SYTL4: variants seen among roughly 807,000 people sequenced by gnomAD.
SYTL4 encodes synaptotagmin like 4.
A neutral mutation model predicts 52.7 loss-of-function variants in SYTL4; 16 were observed. The ratio of observed to expected loss-of-function variants is 0.30; its 90% confidence interval spans 0.21 to 0.46. The LOEUF (loss-of-function observed/expected upper bound fraction) is 0.46, where lower values mean the gene tolerates loss of function less well. Among genes scored for constraint, SYTL4 ranks in the 20% least tolerant of loss-of-function variants. SYTL4 has a pLI of 1.00. For missense variants in SYTL4, 423 were observed against 519.9 expected (o/e 0.81, Z 1.81); for synonymous variants, 160 against 186.6 (o/e 0.86, Z 1.16).
chrX:100,723,068 T>C (rs758261889), intron 2 of SYTL4, among the ~76,000 whole-genome samples: 1 of 110,903 alleles, frequency 9.0e-6, no homozygotes, highest in South Asian at 3.8e-4. Context: ...TTAAAGAACA[T>C]AAACATCCAT....
chrX:100,701,130 C>A, intron 7 of SYTL4, 90 bp downstream of exon 7: 3 of 883,281 alleles, frequency 3.4e-6, no homozygotes, highest in Non-Finnish European at 3.3e-6. Context: ...CTATTCTCCA[C>A]TAACTGGCTG....
intron 16 of SYTL4, among the ~76,000 whole-genome samples, chrX:100,682,685 C>T (rs1362388245): frequency 9.0e-6 from 1 of 110,778 alleles, no homozygotes; most frequent in Admixed American, 9.6e-5. Flanking sequence ...CCAGCCTGGG[C>T]GACAGAGCCA....
chrX:100,714,420 C>T (rs984636194), intron 2 of SYTL4, among the ~76,000 whole-genome samples: 2 of 110,134 alleles, frequency 1.8e-5, no homozygotes, highest in Non-Finnish European at 1.9e-5. Flanking sequence ...CCACCACACC[C>T]GGCTAATTTT....
At chrX:100,723,199 C>G (rs1176143104) in intron 2 of SYTL4, among the ~76,000 whole-genome samples, 1 of 112,357 alleles carries the variant, frequency 8.9e-6, no homozygotes, top group Non-Finnish European at 1.9e-5. Flanking sequence ...GCTGCCATCT[C>G]GGCTCACTGC....
At position 100,676,171 on chromosome X, in the gene SYTL4, T is replaced by C. The variant is rs760160020; in HGVS notation, c.1873A>G (p.Ser625Gly). Residue 625 changes from serine (S) to glycine (G), a missense_variant, in exon 20 of 20, where the codon AGT (serine) becomes GGT (glycine). Physicochemically the swap from Ser to Gly is moderately conservative, Grantham distance 56. Transcript: ENST00000372989. ...GVRLGVGTGISNGEVVDWMDS... is the reference protein window; with the variant it reads ...GVRLGVGTGIGNGEVVDWMDS... ...ATCCAGTCCACCACTTCCCCATTAC[T>C]GATCCCTGAGGAGAAACACCAGAAG... is the stretch of plus-strand genomic sequence containing the variant. 8.3e-7 allele frequency: 1 copy of C among 1,208,811 alleles called. No homozygotes were observed. Among genetic ancestry groups the C allele is most frequent in the African/African-American group, 1.8e-5 (1 of 56,817 alleles).
In SYTL4 at chrX:100,702,030, T is replaced by A. The variant is rs188841768; in HGVS notation, c.8A>T (p.Glu3Val). 112 of 1,190,917 alleles carry A rather than the reference T, an allele frequency of 9.4e-5. 2 individuals carry two copies. The East Asian group carries it at 1.7e-3, about 18-fold the overall frequency. Residue 3 changes from glutamate to valine, a missense_variant, in exon 5 of 20, where the codon GAG becomes GTG. By Grantham distance (121) the Glu-to-Val change is moderately radical. Transcript: ENST00000372989. The stretch of plus-strand genomic sequence containing the variant: ...AGACAGAAAAGAAAGGTCCAGTAAC[T>A]CCGACATGATTTACTCAACTTTTTC... Reference protein sequence around the residue: MSELLDLSFLSEE... With the variant: MSVLLDLSFLSEE...
intron 2 of SYTL4, among the ~76,000 whole-genome samples, chrX:100,713,177 G>A (rs950233769): frequency 1.8e-5 from 2 of 112,411 alleles, no homozygotes; most frequent in African/African-American, 6.5e-5. Flanking sequence ...GGACGTGGTG[G>A]CTCACACCCA....
intron 2 of SYTL4, among the ~76,000 whole-genome samples, chrX:100,725,584 G>A (rs1240851716): frequency 1.1e-4 from 12 of 112,225 alleles, no homozygotes; most frequent in Non-Finnish European, 2.1e-4. Flanking sequence ...TAAGAAAACT[G>A]AACTTCACAG....
chrX:100,726,069 A>G (rs2084510582), intron 2 of SYTL4, among the ~76,000 whole-genome samples: 1 of 108,671 alleles, frequency 9.2e-6, no homozygotes. Context: ...GGGCCATCCA[A>G]TCTCCAGCCC....
At chrX:100,676,721 G>A (rs948734384) in intron 19 of SYTL4, among the ~76,000 whole-genome samples, 1 of 111,253 alleles carries the variant, frequency 9.0e-6, no homozygotes, top group African/African-American at 3.3e-5. Context: ...TCTTGACCTC[G>A]TGATCTGCCT....
chrX:100,707,548 A>T (rs767240078), intron 2 of SYTL4, among the ~76,000 whole-genome samples: 1 of 112,242 alleles, frequency 8.9e-6, no homozygotes, highest in African/African-American at 3.2e-5. Flanking sequence ...CAAGTGATAT[A>T]TTTTTATGGT....
At chrX:100,699,283 C>T (rs1268597879) in intron 8 of SYTL4, among the ~76,000 whole-genome samples, 3 of 105,992 alleles carry the variant, frequency 2.8e-5, no homozygotes, top group African/African-American at 6.9e-5. Context: ...AGGAAAATCG[C>T]TTGAACCTGG....
intron 12 of SYTL4, among the ~76,000 whole-genome samples, chrX:100,689,437 C>T (rs183594860): frequency 9.5e-6 from 1 of 105,002 alleles, no homozygotes; most frequent in African/African-American, 3.5e-5. Flanking sequence ...CAGGAGTTTG[C>T]GACCAGCCTG....
chrX:100,686,281 G>A, intron 15 of SYTL4, 130 bp from the exon 16 acceptor site: 2 of 647,517 alleles, frequency 3.1e-6, no homozygotes, highest in Non-Finnish European at 2.2e-6. Context: ...TGTTCCCTGA[G>A]CACTTTGAGT....
intron 2 of SYTL4, among the ~76,000 whole-genome samples, chrX:100,714,374 C>G (rs889988265): frequency 9.2e-5 from 10 of 109,287 alleles, no homozygotes; most frequent in South Asian, 4.1e-4. Flanking sequence ...ATTCTCCTGC[C>G]TCAGCCTCCC....
intron 2 of SYTL4, among the ~76,000 whole-genome samples, chrX:100,727,536 AT>A (rs2084545090): frequency 8.9e-6 from 1 of 112,899 alleles, no homozygotes; most frequent in Admixed American, 9.3e-5. Flanking sequence ...GCCTATTTAA[AT>A]TGTTTAATGT....
At chrX:100,704,496 T>G (rs963158983) in intron 3 of SYTL4, among the ~76,000 whole-genome samples, 2 of 112,093 alleles carry the variant, frequency 1.8e-5, no homozygotes, top group African/African-American at 6.5e-5. Flanking sequence ...GCAGAGAGGA[T>G]GAAGAAGGTG....
intron 2 of SYTL4, among the ~76,000 whole-genome samples, chrX:100,708,565 G>T (rs886513407): frequency 1.8e-5 from 2 of 111,917 alleles, no homozygotes; most frequent in African/African-American, 6.5e-5. Context: ...TTCAAGAAGG[G>T]GATGGGTGAG....
chrX:100,720,374 A>G (rs2084316069), intron 2 of SYTL4, among the ~76,000 whole-genome samples: 1 of 112,316 alleles, frequency 8.9e-6, no homozygotes, highest in Non-Finnish European at 1.9e-5. Context: ...TGTACAAAAC[A>G]TTTTTAAGTC....
Sources: gnomAD v4.1 joint callset for allele counts (sites outside exome capture counted in the v4.1 genomes callset) on GRCh38, gnomAD v4.1.1 for gene constraint, MANE v1.5 for transcripts, NCBI Gene and HGNC (gene_info 2026-07-23, HGNC 2026-07-21) for gene names.